The following RGS6 variants were observed in gnomAD, a reference collection of about 807,000 sequenced individuals.
The protein encoded by RGS6 is regulator of G protein signaling 6.
Under a neutral mutation model 78.5 loss-of-function variants are expected in RGS6, and 30 were observed. The ratio of observed to expected loss-of-function variants is 0.38; its 90% CI spans 0.29 to 0.52. The LOEUF is 0.52. Ranked by LOEUF, RGS6 falls within the 20% of genes least tolerant of loss-of-function variation. RGS6 has a pLI of 0.85. For synonymous variants in RGS6, 206 were observed against 206.0 expected (o/e 1.00, Z 0.00); for missense variants, 495 against 609.7 (o/e 0.81, Z 1.98).
chr14:72,188,337 C>T (rs1599101914), intron 2 of RGS6, among the ~76,000 whole-genome samples: 2 of 152,186 alleles, frequency 1.3e-5, no homozygotes, highest in East Asian at 3.8e-4. Flanking sequence ...CAGAGCAATG[C>T]TTCAGTATTT....
chr14:72,186,083 C>A (rs892261077), intron 2 of RGS6, among the ~76,000 whole-genome samples: 2 of 152,242 alleles, frequency 1.3e-5, no homozygotes, highest in African/African-American at 4.8e-5. Flanking sequence ...ATCTAGGCAG[C>A]TGGCGTGGAG....
In RGS6 at chr14:72,110,411, T is replaced by C. The variant is rs116179134; in HGVS notation, c.84+145536T>C. ...TGGGCACCATGGTCTGGGTGCCTCA[T>C]TGGCCTCTCTATCCCCTCCCAACAC... On this transcript the variant is annotated intron_variant, in intron 2 of 17. Coordinates refer to ENST00000553525, the MANE Select transcript of RGS6 (RefSeq NM_001204424.2). Among the ~76,000 whole-genome samples, 939 of 152,316 alleles carry C rather than the reference T, an allele frequency of 6.2e-3. 8 individuals carry two copies. The highest frequency in any genetic ancestry group is 0.022 in the African/African-American group (903 of 41,580).
intron 2 of RGS6, among the ~76,000 whole-genome samples, chr14:72,133,309 G>A (rs773588108): frequency 4.0e-5 from 6 of 151,608 alleles, no homozygotes; most frequent in Non-Finnish European, 7.4e-5. Flanking sequence ...CTAATCTGCT[G>A]TTTTATGGAT....
rs191836164 is a variant in RGS6, at chr14:72,319,491, A to G, written c.85-32604A>G. Among the ~76,000 whole-genome samples the G allele has an allele frequency of 9.9e-5, 15 of 152,108 alleles. No homozygotes were observed. In the East Asian group the frequency reaches 2.9e-3, roughly 29 times the overall value. ...CAGCCTCCCAAGTAGCTGGGACTAC[A>G]GGGGCACCCACCACCATGCCCGGCT... On this transcript the variant is annotated intron_variant, in intron 2 of 17. Transcript: ENST00000553525.
intron 17 of RGS6, chr14:72,541,642 C>T: frequency 1.3e-6 from 2 of 1,533,782 alleles, no homozygotes; most frequent in Non-Finnish European, 8.7e-7. Context: ...CCATCTCTCT[C>T]TGTTTGTCTC....
the RGS6 span, among the ~76,000 whole-genome samples, chr14:72,627,444 C>G: frequency 6.6e-6 from 1 of 152,066 alleles, no homozygotes; most frequent in Non-Finnish European, 1.5e-5. Context: ...GACCCTTACC[C>G]TATACTGTAT....
At position 72,317,363 on chromosome 14, in the gene RGS6, A is replaced by G. The variant is rs947903740; in HGVS notation, c.85-34732A>G. Among the ~76,000 whole-genome samples, 20 of 152,182 alleles carry G rather than the reference A, an allele frequency of 1.3e-4. 1 individual carries two copies. The highest frequency in any genetic ancestry group is 4.4e-5 in the Non-Finnish European group (3 of 68,028). ...AATTTTCTGTCTAGATTCATCTTTT[A>G]TGGTCCCTTTTTAATCTCACACCAG... is the stretch of plus-strand genomic sequence containing the variant. On this transcript the variant is annotated intron_variant, in intron 2 of 17. Coordinates refer to ENST00000553525, the MANE Select transcript of RGS6 (RefSeq NM_001204424.2).
chr14:71,989,603 G>A (rs1353636654), intron 2 of RGS6, among the ~76,000 whole-genome samples: 1 of 152,202 alleles, frequency 6.6e-6, no homozygotes, highest in African/African-American at 2.4e-5. Flanking sequence ...GGCTCAACCA[G>A]CTTTTAGTGG....
At chr14:72,510,357 C>G in intron 14 of RGS6, 78 bp downstream of exon 14, 6 of 1,562,986 alleles carry the variant, frequency 3.8e-6, no homozygotes, top group Non-Finnish European at 2.6e-6. Flanking sequence ...ATCTCTCTCT[C>G]TCTCAATGAA....
At chr14:72,340,910 A>G (rs1048701275) in intron 2 of RGS6, among the ~76,000 whole-genome samples, 1 of 152,182 alleles carries the variant, frequency 6.6e-6, no homozygotes, top group Non-Finnish European at 1.5e-5. Flanking sequence ...AGAGGGAAAG[A>G]AGCGGAACTT....
intron 14 of RGS6, chr14:72,515,995 G>C (rs1480630262): frequency 6.6e-6 from 1 of 152,440 alleles, no homozygotes; most frequent in Non-Finnish European, 1.5e-5. Flanking sequence ...CCAGAAGGTT[G>C]CTTCCAGCCA....
intron 3 of RGS6, among the ~76,000 whole-genome samples, chr14:72,374,625 T>A (rs962479074): frequency 6.6e-6 from 1 of 152,020 alleles, no homozygotes; most frequent in Non-Finnish European, 1.5e-5. Context: ...AACAAAAAAA[T>A]TTCCAGATAA....
At chr14:72,090,594 C>G (rs1232024035) in intron 2 of RGS6, among the ~76,000 whole-genome samples, 1 of 152,214 alleles carries the variant, frequency 6.6e-6, no homozygotes, top group Non-Finnish European at 1.5e-5. Context: ...CTCCCGACTC[C>G]CCACTATCCA....
intron 17 of RGS6, chr14:72,550,644 T>C (rs1297625143): frequency 6.7e-7 from 1 of 1,499,040 alleles, no homozygotes; most frequent in Non-Finnish European, 8.9e-7. Flanking sequence ...GAGGCATCCA[T>C]AATTCTAAAT....
intron 12 of RGS6, among the ~76,000 whole-genome samples, chr14:72,485,014 A>C (rs1231207838): frequency 6.9e-6 from 1 of 145,246 alleles, no homozygotes; most frequent in Non-Finnish European, 1.5e-5. Flanking sequence ...CCACATTTCC[A>C]CTCAAGACCC....
At chr14:72,567,994 G>A (rs1282377862), downstream of RGS6, among the ~76,000 whole-genome samples, 2 of 152,232 alleles carry the variant, frequency 1.3e-5, no homozygotes, top group Non-Finnish European at 2.9e-5. Flanking sequence ...CCAAAAAGAG[G>A]CTGTGGAATC....
At chr14:72,593,677 G>A in the RGS6 span, among the ~76,000 whole-genome samples, 4 of 152,092 alleles carry the variant, frequency 2.6e-5, no homozygotes, top group South Asian at 4.1e-4. Context: ...GTGAGCCACC[G>A]TGCCCAACAG....
chr14:72,181,808 A>C (rs1407152307), intron 2 of RGS6, among the ~76,000 whole-genome samples: 1 of 152,212 alleles, frequency 6.6e-6, no homozygotes, highest in Non-Finnish European at 1.5e-5. Context: ...AGTACCTACT[A>C]TGTGCCTAAT....
chr14:72,331,517 A>G (rs1447498727), intron 2 of RGS6, among the ~76,000 whole-genome samples: 1 of 152,194 alleles, frequency 6.6e-6, no homozygotes, highest in Non-Finnish European at 1.5e-5. Flanking sequence ...CCACAGCTGC[A>G]TCTCCACTTG....
Sources: gnomAD v4.1 joint callset for allele counts (sites outside exome capture counted in the v4.1 genomes callset) on GRCh38, gnomAD v4.1.1 for gene constraint, MANE v1.5 for transcripts, NCBI Gene and HGNC (gene_info 2026-07-23, HGNC 2026-07-21) for gene names.